Variants in CEP162 observed in about 807,000 individuals in gnomAD.
The protein encoded by CEP162 is centrosomal protein of 162 kDa.
A neutral mutation model predicts 169.2 loss-of-function variants in CEP162; 141 were observed. The ratio of observed to expected loss-of-function variants is 0.83; its 90% CI spans 0.73 to 0.96. The LOEUF is 0.96. Ranked by LOEUF, CEP162 falls within the 40% of genes least tolerant of loss-of-function variation. CEP162 has a pLI of 0.00. For synonymous variants in CEP162, 540 were observed against 526.4 expected (o/e 1.03, Z -0.35); for missense variants, 1,600 against 1,587.2 (o/e 1.01, Z -0.14).
chr6:84,226,262 T>C, intron 2 of CEP162, 75 bp downstream of exon 2: 1 of 994,766 alleles, frequency 1.0e-6, no homozygotes, highest in Non-Finnish European at 1.5e-6. Flanking sequence ...TAACTGTATC[T>C]TCGAGATGAC....
intron 21 of CEP162, among the ~76,000 whole-genome samples, chr6:84,156,561 TA>T (rs1232825835): frequency 6.6e-6 from 1 of 152,072 alleles, no homozygotes; most frequent in Non-Finnish European, 1.5e-5. Flanking sequence ...AGAAAGTTAA[TA>T]AACAGCAGAC....
At chr6:84,153,273 A>T in intron 22 of CEP162, 94 bp from the exon 23 acceptor site, 1 of 1,110,822 alleles carries the variant, frequency 9.0e-7, no homozygotes, top group South Asian at 1.7e-5. Flanking sequence ...CTAATCCTTT[A>T]TTCAGGTACT....
intron 25 of CEP162, among the ~76,000 whole-genome samples, chr6:84,139,075 C>T (rs1172156118): frequency 2.0e-5 from 3 of 152,196 alleles, no homozygotes; most frequent in South Asian, 4.1e-4. Flanking sequence ...CCTGGCCTTT[C>T]ACACTTTTTA....
intron 6 of CEP162, among the ~76,000 whole-genome samples, chr6:84,211,815 C>T (rs1476795082): frequency 2.0e-5 from 3 of 148,464 alleles, no homozygotes; most frequent in Non-Finnish European, 3.0e-5. Flanking sequence ...ACTATAAATC[C>T]ATAGATCAAT....
chr6:84,140,818 G>A (rs1254134247), intron 25 of CEP162, among the ~76,000 whole-genome samples: 1 of 152,128 alleles, frequency 6.6e-6, no homozygotes, highest in Non-Finnish European at 1.5e-5. Context: ...GAGTCACTTT[G>A]CCTGGCTGAC....
At chr6:84,145,580 G>A (rs556625490) in intron 25 of CEP162, among the ~76,000 whole-genome samples, 1 of 151,976 alleles carries the variant, frequency 6.6e-6, no homozygotes, top group Non-Finnish European at 1.5e-5. Context: ...TATCTCTGGG[G>A]TTTTGTTATT....
At chr6:84,202,595 T>C (rs935525769) in intron 7 of CEP162, among the ~76,000 whole-genome samples, 2 of 147,990 alleles carry the variant, frequency 1.4e-5, no homozygotes, top group African/African-American at 5.0e-5. Flanking sequence ...TGGCTCAATC[T>C]TGGCTCACTG....
In CEP162 at chr6:84,193,811, A is replaced by C. The variant is rs377690304; in HGVS notation, c.1028-121T>G. 5 of 520,682 alleles carry C rather than the reference A, an allele frequency of 9.6e-6. No individual in the cohort carries two copies. In the East Asian group the frequency reaches 1.7e-4, roughly 17 times the overall value. 32.3% of individuals were successfully genotyped at this position (520,682 alleles called of 1,614,324 possible). ...GTTAATAAAACGGTACATGCAATAA[A>C]CCTAGTTTTCCGTCTTAAGTTTCCT... On this transcript the variant is annotated intron_variant, in intron 10 of 26. Coordinates refer to ENST00000403245, the MANE Select transcript of CEP162 (RefSeq NM_014895.4).
intron 16 of CEP162, among the ~76,000 whole-genome samples, chr6:84,173,197 T>C (rs1324741087): frequency 2.0e-5 from 3 of 152,192 alleles, no homozygotes; most frequent in Admixed American, 2.0e-4. Context: ...GTAACTTTCA[T>C]TGATCGATTG....
At position 84,126,053 on chromosome 6, in the gene CEP162, A is replaced by G. The variant is rs975273746; in HGVS notation, c.4005+325T>C. Among the ~76,000 whole-genome samples the G allele has an allele frequency of 5.9e-5, 9 of 152,214 alleles. No individual in the cohort carries two copies. In the East Asian group the frequency reaches 1.7e-3, roughly 29 times the overall value. Reference sequence around the variant, plus strand: ...TATTAAAACAATTTATTTCTTATAAACATTTGCTGAAATGACTTGAATATG... The same window carrying G: ...TATTAAAACAATTTATTTCTTATAAGCATTTGCTGAAATGACTTGAATATG... On this transcript the variant is annotated intron_variant, in intron 26 of 26. Coordinates refer to ENST00000403245, the MANE Select transcript of CEP162 (RefSeq NM_014895.4).
intron 13 of CEP162, among the ~76,000 whole-genome samples, chr6:84,183,655 C>T (rs1186818992): frequency 6.6e-6 from 1 of 152,120 alleles, no homozygotes; most frequent in Admixed American, 6.6e-5. Flanking sequence ...AGCTTAAATT[C>T]CATGGTCAAC....
intron 25 of CEP162, among the ~76,000 whole-genome samples, chr6:84,137,158 C>T (rs758808911): frequency 6.6e-6 from 1 of 152,194 alleles, no homozygotes; most frequent in Non-Finnish European, 1.5e-5. Context: ...TGGACAGCTC[C>T]TGGACAACTA....
intron 2 of CEP162, among the ~76,000 whole-genome samples, chr6:84,223,529 AAAAATAAAAAT>A (rs1163576362): frequency 1.4e-5 from 2 of 147,522 alleles, no homozygotes; most frequent in African/African-American, 5.1e-5. Context: ...ATAAATAAAT[AAAAATAAAAAT>A]AAAATAAATA....
chr6:84,128,481 G>A (rs1004829553), intron 25 of CEP162, among the ~76,000 whole-genome samples: 1 of 152,080 alleles, frequency 6.6e-6, no homozygotes, highest in South Asian at 2.1e-4. Flanking sequence ...ATTAATAAGA[G>A]CCTGAGACCT....
chr6:84,143,286 G>T (rs1476342109), intron 25 of CEP162, among the ~76,000 whole-genome samples: 1 of 151,924 alleles, frequency 6.6e-6, no homozygotes, highest in Non-Finnish European at 1.5e-5. Flanking sequence ...ATAAAAATAT[G>T]CTTCTAGAAG....
intron 1 of CEP162, 32 bp from the exon 2 acceptor site, chr6:84,226,484 G>A (rs2099555803): frequency 1.1e-6 from 1 of 933,912 alleles, no homozygotes; most frequent in Non-Finnish European, 1.7e-6. Flanking sequence ...CATCTTTTGA[G>A]GAAATCCATC....
At position 84,169,380 on chromosome 6, in the gene CEP162, G is replaced by A. The variant is rs1385140609; in HGVS notation, c.2333C>T (p.Pro778Leu). The A allele has an allele frequency of 9.5e-6, 15 of 1,583,042 alleles. No individual in the cohort carries two copies. Among genetic ancestry groups the A allele is most frequent in the East Asian group, 2.3e-5 (1 of 44,074 alleles). ...ATCTGTAAAATTCTGATTTCTTGTG[G>A]GCTCTGAATCTTCAACTACTTGAGA... is the stretch of plus-strand genomic sequence containing the variant. ...FLSQVVEDSEPTRNQNFTDLL... is the reference protein window; with the variant it reads ...FLSQVVEDSELTRNQNFTDLL... Residue 778 changes from proline to leucine, a missense_variant, in exon 18 of 27, where the codon CCC becomes CTC. Physicochemically the swap from Pro to Leu is moderately conservative, Grantham distance 98. Transcript: ENST00000403245.
chr6:84,185,830 G>A (rs957074985), intron 12 of CEP162, among the ~76,000 whole-genome samples: 1 of 152,008 alleles, frequency 6.6e-6, no homozygotes, highest in Non-Finnish European at 1.5e-5. Flanking sequence ...ACAAAGAACT[G>A]GAGATGACTT....
chr6:84,167,906 T>C (rs2099528477), intron 18 of CEP162, among the ~76,000 whole-genome samples: 1 of 152,214 alleles, frequency 6.6e-6, no homozygotes, highest in Non-Finnish European at 1.5e-5. Context: ...GTATCCCGTC[T>C]ACACTTTGCT....
Sources: allele counts gnomAD v4.1 joint callset (sites outside exome capture counted in the v4.1 genomes callset), GRCh38; gene constraint gnomAD v4.1.1; transcripts MANE v1.5; gene names NCBI Gene and HGNC (gene_info 2026-07-23, HGNC 2026-07-21).